The following TEDC2 variants were observed in gnomAD, a reference collection of about 807,000 sequenced individuals.
The protein encoded by TEDC2 is tubulin epsilon and delta complex 2.
TEDC2 carries 49 observed loss-of-function variants against 48.1 expected under a neutral mutation model. The ratio of observed to expected loss-of-function variants is 1.02; its 90% confidence interval spans 0.81 to 1.29. The LOEUF is 1.29. Ranked by LOEUF, TEDC2 falls within the 50% of genes most tolerant of loss-of-function variation. The pLI is 0.00. For synonymous variants in TEDC2, 299 were observed against 247.1 expected, an observed-to-expected ratio of 1.21 and a Z score of -1.97; for missense variants, 631 against 571.4, an observed-to-expected ratio of 1.10 and a Z score of -1.06.
chr16:2,462,466 G>A lies in TEDC2; in HGVS notation c.802G>A (p.Gly268Arg). The A allele has an allele frequency of 1.2e-6, 2 of 1,610,910 alleles. No homozygotes were observed. Among genetic ancestry groups the A allele is most frequent in the East Asian group, 4.5e-5 (2 of 44,870 alleles). ...LSAVEVEAEA[G>R]RLRKACSLLR... ...TGCTGTGGAGGTGGAGGCGGAGGCG[G>A]GGCGCCTGCGGAAGGCCTGCTCGCT... The change falls in exon 7 of 10, where the codon GGG (glycine) becomes AGG (arginine). Residue 268 changes from glycine to arginine, a missense_variant. By Grantham distance (125) the Gly-to-Arg change is moderately radical. Transcript: ENST00000361837.
chr16:2,461,401 G>C, intron 4 of TEDC2, 177 bp downstream of exon 4: 1 of 890,824 alleles, frequency 1.1e-6, no homozygotes, highest in Non-Finnish European at 1.6e-6. Flanking sequence ...TGGTGTCCAG[G>C]TTGGCACCAT....
In TEDC2 at chr16:2,464,129, G is replaced by T. The variant is rs1039331471; in HGVS notation, c.1055G>T (p.Ser352Ile). The stretch of plus-strand genomic sequence containing the variant: ...GGGGGTAGAGCGGAGCCTGCATGGA[G>T]CCCCCAGCTGCTTGTCTACTCCAGC... ...SCGGRAEPAW[S>I]PQLLVYSSTQ... Residue 352 changes from serine to isoleucine, a missense_variant, in exon 9 of 10, where the codon AGC becomes ATC. Coordinates refer to ENST00000361837, the MANE Select transcript of TEDC2 (RefSeq NM_025108.3). The T allele has an allele frequency of 2.5e-6, 4 of 1,612,762 alleles. No homozygotes were observed. The highest frequency in any genetic ancestry group is 3.4e-6 in the Non-Finnish European group (4 of 1,179,938).
In TEDC2 at chr16:2,464,068, C is replaced by T. The variant is rs1196910394; in HGVS notation, c.994C>T (p.Pro332Ser). The change falls in exon 9 of 10, where the codon CCT becomes TCT. Residue 332 changes from proline (P) to serine (S), a missense_variant. By Grantham distance (74) the Pro-to-Ser change is moderately conservative. Transcript: ENST00000361837. ...GGCGGAACAGCCACCAAGACCATGT[C>T]CTGTGGGGAGGCCCCCCGGAGCCTC... ...AVAEQPPRPC[P>S]VGRPPGASPS... The T allele has an allele frequency of 1.2e-6, 2 of 1,612,872 alleles. No individual in the cohort carries two copies. The highest frequency in any genetic ancestry group is 1.1e-5 in the South Asian group (1 of 91,062).
intron 4 of TEDC2, 22 bp from the exon 5 acceptor site, chr16:2,461,725 T>G: frequency 6.2e-7 from 1 of 1,613,212 alleles, no homozygotes; most frequent in Non-Finnish European, 8.5e-7. Context: ...GATGCTCCTC[T>G]GAACACGGGC....
intron 8 of TEDC2, among the ~76,000 whole-genome samples, chr16:2,463,496 G>A (rs1447165986): frequency 3.3e-5 from 5 of 151,800 alleles, no homozygotes; most frequent in Non-Finnish European, 5.9e-5. Flanking sequence ...GTATGATGGC[G>A]CACACCTGTA....
chr16:2,463,956 A>G, intron 8 of TEDC2, 83 bp from the exon 9 acceptor site: 1 of 1,431,766 alleles, frequency 7.0e-7, no homozygotes, highest in South Asian at 1.3e-5. Flanking sequence ...GGTGGTGCAG[A>G]TGCGGGAGGG....
rs1354319386 is a variant in TEDC2 at position 2,464,662 on chromosome 16, A to C, written c.1296A>C (p.Ala432=). ...RVLTILRDEP[A]V ...TTACCATCCTGCGGGATGAACCTGCAGTCTGAGCCTTTCCCATGCTGCCCT... is the reference window on the plus strand; with the variant it reads ...TTACCATCCTGCGGGATGAACCTGCCGTCTGAGCCTTTCCCATGCTGCCCT... The change falls in exon 10 of 10, where the codon GCA becomes GCC. Residue 432 remains alanine (A), a synonymous_variant. Transcript: ENST00000361837. 1.2e-6 allele frequency: 2 copies of C among 1,612,950 alleles called. No individual in the cohort carries two copies. Among genetic ancestry groups the C allele is most frequent in the Admixed American group, 3.3e-5 (2 of 59,984 alleles).
chr16:2,462,472 C>T lies in TEDC2; in HGVS notation c.808C>T (p.Leu270=), dbSNP rs772639799. ...AVEVEAEAGR[L]RKACSLLRLR... ...GGAGGTGGAGGCGGAGGCGGGGCGC[C>T]TGCGGAAGGCCTGCTCGCTGCTGAG... Residue 270 remains leucine (L), a synonymous_variant, in exon 7 of 10, where the codon CTG becomes TTG. Coordinates refer to ENST00000361837, the MANE Select transcript of TEDC2 (RefSeq NM_025108.3). 20 of 1,610,580 alleles carry T rather than the reference C, an allele frequency of 1.2e-5. No individual in the cohort carries two copies. Among genetic ancestry groups the T allele is most frequent in the Admixed American group, 8.4e-5 (5 of 59,672 alleles).
At chr16:2,462,571 G>C (rs752476684) in intron 7 of TEDC2, 45 bp downstream of exon 7, 1 of 1,559,834 alleles carries the variant, frequency 6.4e-7, no homozygotes, top group East Asian at 2.3e-5. Flanking sequence ...TGGAGGGCCA[G>C]TGCAGGGAGG....
In TEDC2 at chr16:2,460,354, G is replaced by C; in HGVS notation, c.98G>C (p.Arg33Pro). 1 of 1,544,360 alleles carries C rather than the reference G, an allele frequency of 6.5e-7. No individual in the cohort carries two copies. ...CAATTGCAATTGGAGCAGAGCCTGCGCGTTTGCCGTCGGCTGCTGCATGCC... is the reference window on the plus strand; with the variant it reads ...CAATTGCAATTGGAGCAGAGCCTGCCCGTTTGCCGTCGGCTGCTGCATGCC... ...QRQLQLEQSL[R>P]VCRRLLHAWE... The change falls in exon 2 of 10, where the codon CGC becomes CCC. Residue 33 changes from arginine (R) to proline (P), a missense_variant. By Grantham distance (103) the Arg-to-Pro change is moderately radical (BLOSUM62 -2). Transcript: ENST00000361837.
chr16:2,463,690 G>A (rs948235749), intron 8 of TEDC2, among the ~76,000 whole-genome samples: 21 of 152,098 alleles, frequency 1.4e-4, no homozygotes, highest in African/African-American at 5.1e-4. Flanking sequence ...ACTCGCCTGG[G>A]ATTGCGTGAG....
In TEDC2 at chr16:2,464,037, A is replaced by T; in HGVS notation, c.965-2A>T. 1 of 1,611,442 alleles carries T rather than the reference A, an allele frequency of 6.2e-7. No homozygotes were observed. Among genetic ancestry groups the T allele is most frequent in the Non-Finnish European group, 8.5e-7 (1 of 1,179,022 alleles). On this transcript the variant is annotated splice_acceptor_variant, in intron 8 of 9. Transcript: ENST00000361837. LOFTEE classifies it high-confidence loss of function. ...AAAGGCCACATTCTCCTGTGCACAC[A>T]GCGGTGGCGGAACAGCCACCAAGAC...
intron 9 of TEDC2, 55 bp downstream of exon 9, chr16:2,464,284 C>G (rs539770191): frequency 1.3e-5 from 21 of 1,566,598 alleles, no homozygotes; most frequent in Non-Finnish European, 1.8e-5. Context: ...CTTGAGGACC[C>G]GAGGGTAGGG....
At position 2,462,237 on chromosome 16, in the gene TEDC2, G is replaced by T; in HGVS notation, c.748G>T (p.Ala250Ser). The T allele has an allele frequency of 6.2e-7, 1 of 1,613,142 alleles. No homozygotes were observed. Among genetic ancestry groups the T allele is most frequent in the Non-Finnish European group, 8.5e-7 (1 of 1,180,006 alleles). The change falls in exon 6 of 10, where the codon GCT (alanine) becomes TCT (serine). Residue 250 changes from alanine (A) to serine (S), a missense_variant and splice_region_variant. Coordinates refer to ENST00000361837, the MANE Select transcript of TEDC2 (RefSeq NM_025108.3). ...CCAGTTCCTCCAGAACATGCAGACA[G>T]CTGTATCCTTGCTGGGCTTGTGGGA... ...KTQFLQNMQT[A>S]SGGPQPRLSA...
At chr16:2,463,337 G>A (rs2065479417) in intron 8 of TEDC2, among the ~76,000 whole-genome samples, 1 of 145,232 alleles carries the variant, frequency 6.9e-6, no homozygotes, top group South Asian at 2.2e-4. Flanking sequence ...AGAAAAAGTA[G>A]CGTGTGAGGC....
In TEDC2 at chr16:2,460,140, C is replaced by A. The variant is rs757536703; in HGVS notation, c.-5C>A. ...GGCAAATTGCAAGGAGACGCCGCCG[C>A]CTTCATGCTGCCGGCGGGCTGCTCG... On this transcript the variant is annotated 5_prime_UTR_variant, in exon 1 of 10. Transcript: ENST00000361837. The A allele has an allele frequency of 1.9e-5, 26 of 1,350,762 alleles. No homozygotes were observed. Among genetic ancestry groups the A allele is most frequent in the Non-Finnish European group, 6.6e-6 (7 of 1,060,132 alleles). 83.7% of individuals were successfully genotyped at this position (1,350,762 alleles called of 1,614,324 possible).
intron 8 of TEDC2, among the ~76,000 whole-genome samples, chr16:2,463,035 G>T (rs1051736960): frequency 6.6e-6 from 1 of 152,260 alleles, no homozygotes; most frequent in African/African-American, 2.4e-5. Flanking sequence ...AAACTAGCAT[G>T]TGAGGGCCGG....
rs1291932635 is a variant in TEDC2 at position 2,460,699 on chromosome 16, C to G, written c.196+6C>G. 1 of 1,613,026 alleles carries G rather than the reference C, an allele frequency of 6.2e-7. No homozygotes were observed. The highest frequency in any genetic ancestry group is 8.5e-7 in the Non-Finnish European group (1 of 1,179,966). On this transcript the variant is annotated splice_donor_region_variant and intron_variant, in intron 3 of 9. Transcript: ENST00000361837. ...TGGAGAGGACCCCCTTCCAGGTAAA[C>G]CTCCACCACCCGCCTTCTCCAGGTG... is the stretch of plus-strand genomic sequence containing the variant.
In TEDC2 at chr16:2,462,473, T is replaced by C; in HGVS notation, c.809T>C (p.Leu270Pro). 5 of 1,610,432 alleles carry C rather than the reference T, an allele frequency of 3.1e-6. No individual in the cohort carries two copies. The highest frequency in any genetic ancestry group is 4.2e-6 in the Non-Finnish European group (5 of 1,178,980). Residue 270 changes from leucine (L) to proline (P), a missense_variant, in exon 7 of 10, where the codon CTG becomes CCG. Leu to Pro is a moderately conservative substitution (Grantham distance 98). Coordinates refer to ENST00000361837, the MANE Select transcript of TEDC2 (RefSeq NM_025108.3). ...GAGGTGGAGGCGGAGGCGGGGCGCC[T>C]GCGGAAGGCCTGCTCGCTGCTGAGA... Reference protein sequence around the residue: ...AVEVEAEAGRLRKACSLLRLR... With the variant: ...AVEVEAEAGRPRKACSLLRLR...
Sources: gnomAD v4.1 joint callset for allele counts (sites outside exome capture counted in the v4.1 genomes callset) on GRCh38, gnomAD v4.1.1 for gene constraint, MANE v1.5 for transcripts, NCBI Gene and HGNC (gene_info 2026-07-23, HGNC 2026-07-21) for gene names.